The following PTPRR variants were observed in gnomAD, a reference collection of about 807,000 sequenced individuals.
PTPRR encodes receptor-type tyrosine-protein phosphatase R.
A neutral mutation model predicts 77.2 loss-of-function variants in PTPRR; 38 were observed. That is an observed-to-expected ratio of 0.49 (90% CI 0.38 to 0.65). PTPRR has a LOEUF of 0.65. PTPRR is among the 30% of genes least tolerant of loss of function. The probability of loss-of-function intolerance (pLI) is 0.00; values close to 1 mark genes in which losing one functional copy is unlikely to be tolerated. For missense variants in PTPRR, 744 were observed against 799.2 expected (o/e 0.93, Z 0.83); for synonymous variants, 299 against 283.1 (o/e 1.06, Z -0.57).
In PTPRR at chr12:70,662,567, A is replaced by G. The variant is rs1280368288; in HGVS notation, c.1536T>C (p.Tyr512=). 7 of 1,612,392 alleles carry G rather than the reference A, an allele frequency of 4.3e-6. No homozygotes were observed. Among genetic ancestry groups the G allele is most frequent in the African/African-American group, 4.0e-5 (3 of 74,892 alleles). ...TGATAACCAGAACCTCAACTTTTCC[A>G]TATATCCCTCTCTTTTCCGGCCAGT... ...VLYWPEKRGI[Y]GKVEVLVISV... is the part of the protein sequence containing the mutation. The change falls in exon 11 of 14, where the codon TAT becomes TAC. Residue 512 remains tyrosine (Y), a synonymous_variant. Coordinates refer to ENST00000283228, the MANE Select transcript of PTPRR (RefSeq NM_002849.4).
At chr12:70,879,732 C>T (rs1391052344) in intron 2 of PTPRR, among the ~76,000 whole-genome samples, 1 of 152,186 alleles carries the variant, frequency 6.6e-6, no homozygotes, top group Non-Finnish European at 1.5e-5. Context: ...TCAGACTCAA[C>T]TTGTCCACAC....
intron 6 of PTPRR, among the ~76,000 whole-genome samples, chr12:70,719,327 C>A (rs770202171): frequency 1.8e-4 from 27 of 152,072 alleles, no homozygotes; most frequent in Non-Finnish European, 2.9e-4. Flanking sequence ...CGTAGGATTA[C>A]GGGAACCCAA....
chr12:70,741,664 T>C (rs750218373), intron 6 of PTPRR, among the ~76,000 whole-genome samples: 1 of 152,092 alleles, frequency 6.6e-6, no homozygotes, highest in Non-Finnish European at 1.5e-5. Context: ...GGATGTCAGA[T>C]AAGGTAGAAT....
In PTPRR at chr12:70,764,726, C is replaced by T. The variant is rs756672523; in HGVS notation, c.410G>A (p.Arg137His). The change falls in exon 3 of 14, where the codon CGC becomes CAC. Residue 137 changes from arginine (R) to histidine (H), a missense_variant. Coordinates refer to ENST00000283228, the MANE Select transcript of PTPRR (RefSeq NM_002849.4). ...TCCTAAAGCTGCAGCCACTCCTTGGCGGAAGATCCGAAGCAAGGTTATGTT... is the reference window on the plus strand; with the variant it reads ...TCCTAAAGCTGCAGCCACTCCTTGGTGGAAGATCCGAAGCAAGGTTATGTT... ...KLNITLLRIF[R>H]QGVAAALGLL... is the part of the protein sequence containing the mutation. 1.0e-4 allele frequency: 168 copies of T among 1,613,920 alleles called. No homozygotes were observed. Among genetic ancestry groups the T allele is most frequent in the South Asian group, 1.9e-4 (17 of 91,070 alleles).
chr12:70,661,065 G>C lies in PTPRR; in HGVS notation c.1641C>G (p.Tyr547Ter). Residue 547 changes from tyrosine to a stop codon, truncating the protein, a stop_gained, in exon 12 of 14, where the codon TAC (tyrosine) becomes TAG (stop). Transcript: ENST00000283228. LOFTEE classifies it high-confidence loss of function. The part of the protein sequence containing the change: ...QGSHTQHVKH[Y>*]WYTSWPDHKT... ...TGTGATCAGGCCATGAGGTGTACCA[G>C]TAATGCTTCACATGTTGGGTGTGGC... is the stretch of plus-strand genomic sequence containing the variant. 6.2e-7 allele frequency: 1 copy of C among 1,612,674 alleles called. No homozygotes were observed. Among genetic ancestry groups the C allele is most frequent in the Non-Finnish European group, 8.5e-7 (1 of 1,179,336 alleles).
At chr12:70,911,591 A>G (rs1893699848) in intron 1 of PTPRR, among the ~76,000 whole-genome samples, 5 of 151,898 alleles carry the variant, frequency 3.3e-5, no homozygotes, top group Admixed American at 2.0e-4. Flanking sequence ...ACATGATGCT[A>G]GAATTCATGT....
chr12:70,838,144 C>T (rs1892336207), intron 2 of PTPRR, among the ~76,000 whole-genome samples: 2 of 152,090 alleles, frequency 1.3e-5, no homozygotes, highest in African/African-American at 4.8e-5. Flanking sequence ...CTCATTTTCT[C>T]CGCATTTCTT....
At chr12:70,869,424 C>T (rs1390637836) in intron 2 of PTPRR, among the ~76,000 whole-genome samples, 1 of 152,102 alleles carries the variant, frequency 6.6e-6, no homozygotes, top group Admixed American at 6.6e-5. Flanking sequence ...TGGAGCTGTC[C>T]TGAGTTGCCC....
chr12:70,889,524 CA>C (rs1376774255), intron 2 of PTPRR, among the ~76,000 whole-genome samples: 4 of 152,216 alleles, frequency 2.6e-5, no homozygotes, highest in Non-Finnish European at 5.9e-5. Context: ...AAAGTATTTG[CA>C]AAGAATTTTC....
In PTPRR at chr12:70,819,043, A is replaced by C. The variant is rs1352038118; in HGVS notation, c.358-54265T>G. Among the ~76,000 whole-genome samples, 3 of 152,202 alleles carry C rather than the reference A, an allele frequency of 2.0e-5. No individual in the cohort carries two copies. The South Asian group carries it at 6.2e-4, about 32-fold the overall frequency. ...TAGGGTAAAAAATAAAGAGAAGGTC[A>C]GGTGTGGTGGCTCACACCTGTAATC... On this transcript the variant is annotated intron_variant, in intron 2 of 13. Coordinates refer to ENST00000283228, the MANE Select transcript of PTPRR (RefSeq NM_002849.4).
At chr12:70,837,668 C>G (rs886133854) in intron 2 of PTPRR, among the ~76,000 whole-genome samples, 2 of 152,082 alleles carry the variant, frequency 1.3e-5, no homozygotes, top group Non-Finnish European at 2.9e-5. Context: ...CCTCTAGAAA[C>G]CTCCACATGT....
intron 2 of PTPRR, among the ~76,000 whole-genome samples, chr12:70,778,514 T>G (rs540283938): frequency 1.3e-5 from 2 of 152,352 alleles, no homozygotes; most frequent in Admixed American, 1.3e-4. Context: ...ACACTAATTA[T>G]GCAACTATAT....
intron 2 of PTPRR, among the ~76,000 whole-genome samples, chr12:70,791,268 A>C (rs971319409): frequency 7.9e-5 from 12 of 152,054 alleles, no homozygotes; most frequent in African/African-American, 2.9e-4. Context: ...CATTTATTCT[A>C]GTCTCCTTGC....
chr12:70,661,193 G>T, intron 11 of PTPRR, 96 bp from the exon 12 acceptor site: 1 of 1,485,226 alleles, frequency 6.7e-7, no homozygotes. Context: ...CCCCCATCTT[G>T]CTGGCAATTT....
At chr12:70,822,548 G>A (rs1394237856) in intron 2 of PTPRR, among the ~76,000 whole-genome samples, 1 of 152,144 alleles carries the variant, frequency 6.6e-6, no homozygotes, top group African/African-American at 2.4e-5. Context: ...CACATGGTGG[G>A]GAAGCAGCAA....
chr12:70,800,768 G>A (rs1423475388), intron 2 of PTPRR, among the ~76,000 whole-genome samples: 1 of 152,056 alleles, frequency 6.6e-6, no homozygotes, highest in East Asian at 1.9e-4. Context: ...GGTGACACGT[G>A]CCTGTAATCT....
chr12:70,833,896 G>A (rs1005573955), intron 2 of PTPRR, among the ~76,000 whole-genome samples: 4 of 152,132 alleles, frequency 2.6e-5, no homozygotes, highest in Admixed American at 2.6e-4. Flanking sequence ...GCCCCAGCCA[G>A]GCATTTTATC....
chr12:70,661,238 G>GA, intron 11 of PTPRR, 141 bp from the exon 12 acceptor site: 1 of 1,033,980 alleles, frequency 9.7e-7, no homozygotes, highest in Non-Finnish European at 1.5e-6. Context: ...GAAGATTTTT[G>GA]AAGAGTGCCC....
intron 2 of PTPRR, among the ~76,000 whole-genome samples, chr12:70,886,432 T>C (rs895852621): frequency 2.0e-5 from 3 of 152,196 alleles, no homozygotes; most frequent in Non-Finnish European, 2.9e-5. Context: ...AATTTCTTTT[T>C]CTAGGCTTTC....
Sources: allele counts gnomAD v4.1 joint callset (sites outside exome capture counted in the v4.1 genomes callset), GRCh38; gene constraint gnomAD v4.1.1; transcripts MANE v1.5; gene names NCBI Gene and HGNC (gene_info 2026-07-23, HGNC 2026-07-21).